Variants in TJP2 observed in about 807,000 individuals in gnomAD.
The protein encoded by TJP2 is tight junction protein 2.
Under a neutral mutation model 133.1 loss-of-function variants are expected in TJP2, and 91 were observed. The ratio of observed to expected loss-of-function variants is 0.68; its 90% CI spans 0.58 to 0.81. The LOEUF (loss-of-function observed/expected upper bound fraction) is 0.81. Among genes scored for constraint, TJP2 ranks in the 40% least tolerant of loss-of-function variants. TJP2 has a pLI of 0.00. For missense variants in TJP2, 1,541 were observed against 1,565.6 expected, an observed-to-expected ratio of 0.98 and a Z score of 0.26; for synonymous variants, 592 against 583.4, an observed-to-expected ratio of 1.01 and a Z score of -0.21.
intron 13 of TJP2, 134 bp downstream of exon 13, chr9:69,236,372 A>G (rs1830192315): frequency 3.3e-6 from 3 of 908,850 alleles, no homozygotes; most frequent in Non-Finnish European, 5.1e-6. Flanking sequence ...TTTCTTGTTT[A>G]TGGAGAGTGG....
At chr9:69,163,231 T>G (rs1173422481) in intron 2 of TJP2, among the ~76,000 whole-genome samples, 1 of 58,834 alleles carries the variant, frequency 1.7e-5, no homozygotes, top group Non-Finnish European at 3.4e-5. Context: ...GTTTCACCCT[T>G]TTAGCCGGGA....
At chr9:69,228,796 C>T (rs1211581374) in intron 9 of TJP2, among the ~76,000 whole-genome samples, 1 of 152,122 alleles carries the variant, frequency 6.6e-6, no homozygotes, top group Admixed American at 6.5e-5. Flanking sequence ...GAGTTGAGGT[C>T]ATTGTTTTCT....
At chr9:69,149,563 T>G (rs1823372149) in intron 1 of TJP2, among the ~76,000 whole-genome samples, 1 of 148,486 alleles carries the variant, frequency 6.7e-6, no homozygotes, top group Non-Finnish European at 1.5e-5. Flanking sequence ...GGGAGTAGAG[T>G]GTTTTGCACA....
In TJP2 at chr9:69,212,575, G is replaced by A; in HGVS notation, c.88G>A (p.Glu30Lys). ...RAPGMEELIW[E>K]QYTVTLQKDS... The stretch of plus-strand genomic sequence containing the variant: ...CCCAGGCATGGAAGAGCTGATATGG[G>A]AACAGTACACTGTGACCCTACAAAA... Residue 30 changes from glutamate (E) to lysine (K), a missense_variant, in exon 2 of 23, where the codon GAA becomes AAA. Transcript: ENST00000377245. 6.2e-7 allele frequency: 1 copy of A among 1,613,436 alleles called. No individual in the cohort carries two copies. Among genetic ancestry groups the A allele is most frequent in the Non-Finnish European group, 8.5e-7 (1 of 1,179,504 alleles).
At chr9:69,159,798 C>T (rs1311036846) in intron 2 of TJP2, among the ~76,000 whole-genome samples, 1 of 151,480 alleles carries the variant, frequency 6.6e-6, no homozygotes, top group East Asian at 1.9e-4. Context: ...ATCACTTGAA[C>T]CCGGGTGGCA....
intron 1 of TJP2, among the ~76,000 whole-genome samples, chr9:69,181,921 A>G (rs1402920135): frequency 6.6e-6 from 1 of 152,150 alleles, no homozygotes; most frequent in Non-Finnish European, 1.5e-5. Context: ...TTTGCAGCTT[A>G]AGCCAGCAAC....
chr9:69,235,180 C>T (rs940316673), intron 12 of TJP2, among the ~76,000 whole-genome samples: 1 of 152,184 alleles, frequency 6.6e-6, no homozygotes, highest in South Asian at 2.1e-4. Context: ...TAGTCTCAGT[C>T]TGAAGGCCTG....
At chr9:69,218,152 G>A in intron 3 of TJP2, 105 bp from the exon 4 acceptor site, 1 of 968,526 alleles carries the variant, frequency 1.0e-6, no homozygotes, top group Non-Finnish European at 1.6e-6. Context: ...GAGCCCTTTA[G>A]AAAGCCTTTC....
chr9:69,210,576 T>G (rs1007833299), intron 1 of TJP2, among the ~76,000 whole-genome samples: 1 of 152,142 alleles, frequency 6.6e-6, no homozygotes, highest in African/African-American at 2.4e-5. Flanking sequence ...AATAATCTTT[T>G]GGAATGTTTA....
intron 1 of TJP2, among the ~76,000 whole-genome samples, chr9:69,193,097 G>A (rs1478135870): frequency 6.6e-6 from 1 of 151,924 alleles, no homozygotes; most frequent in African/African-American, 2.4e-5. Context: ...TGTATTTTTA[G>A]TAGAGACAGG....
At chr9:69,222,921 T>A (rs1431549192) in intron 5 of TJP2, among the ~76,000 whole-genome samples, 2 of 151,690 alleles carry the variant, frequency 1.3e-5, no homozygotes, top group African/African-American at 4.8e-5. Flanking sequence ...ATGCAAAAAT[T>A]AGGTGGGCGT....
At chr9:69,224,883 C>T (rs1829216796) in intron 5 of TJP2, among the ~76,000 whole-genome samples, 1 of 151,958 alleles carries the variant, frequency 6.6e-6, no homozygotes, top group Admixed American at 6.6e-5. Flanking sequence ...TCACCATTAC[C>T]CATAAATATT....
At chr9:69,171,154 T>C (rs888459413), upstream of TJP2, among the ~76,000 whole-genome samples, 2 of 152,162 alleles carry the variant, frequency 1.3e-5, no homozygotes, top group Non-Finnish European at 2.9e-5. Flanking sequence ...CACCGTCATC[T>C]CCTTTAAGTA....
chr9:69,220,144 A>G (rs1440402107), intron 4 of TJP2, among the ~76,000 whole-genome samples: 1 of 152,206 alleles, frequency 6.6e-6, no homozygotes, highest in African/African-American at 2.4e-5. Context: ...TGTCTTAATA[A>G]TAAATTAAAT....
intron 1 of TJP2, among the ~76,000 whole-genome samples, chr9:69,196,940 TGTGTGTAC>T (rs1329600692): frequency 2.0e-3 from 139 of 70,574 alleles, no homozygotes; most frequent in Admixed American, 9.8e-3. Flanking sequence ...TGTGTGTGTG[TGTGTGTAC>T]ACACACACAC....
chr9:69,203,631 T>TTTTTTTTTTTTA (rs71309247), intron 1 of TJP2, among the ~76,000 whole-genome samples: 3 of 138,886 alleles, frequency 2.2e-5, no homozygotes, highest in African/African-American at 5.2e-5. Context: ...TTTTTTTTTT[T>TTTTTTTTTTTTA]GAGACAGGGT....
chr9:69,218,368 T>C lies in TJP2; in HGVS notation c.342+9T>C. The C allele has an allele frequency of 6.2e-7, 1 of 1,611,958 alleles. No homozygotes were observed. The highest frequency in any genetic ancestry group is 8.5e-7 in the Non-Finnish European group (1 of 1,178,030). The stretch of plus-strand genomic sequence containing the variant: ...GGAAGGTCGCTGCTATTGTAAGTAC[T>C]GGGTTTGCTTTCAGCTTGCCTTAAT... On this transcript the variant is annotated intron_variant, in intron 4 of 22. Coordinates refer to ENST00000377245, the MANE Select transcript of TJP2 (RefSeq NM_004817.4).
Position 69,221,344 on chromosome 9 carries a change from C to G in TJP2, c.800C>G (p.Pro267Arg), listed in dbSNP as rs753246184. 6.3e-7 allele frequency: 1 copy of G among 1,590,530 alleles called. No individual in the cohort carries two copies. Among genetic ancestry groups the G allele is most frequent in the Admixed American group, 1.8e-5 (1 of 56,742 alleles). Residue 267 changes from proline to arginine, a missense_variant, in exon 5 of 23, where the codon CCG (proline) becomes CGG (arginine). By Grantham distance (103) the Pro-to-Arg change is moderately radical. Transcript: ENST00000377245. ...CCAGACTACGAGCGGGCCTACAGCC[C>G]GGAGTACAGGCGCGGGGCCCGCCAC... ...YDPDYERAYS[P>R]EYRRGARHDA...
intron 6 of TJP2, 23 bp from the exon 7 acceptor site, chr9:69,225,999 A>G (rs751300457): frequency 8.1e-6 from 13 of 1,613,410 alleles, no homozygotes; most frequent in African/African-American, 2.7e-5. Flanking sequence ...TGCATTTAAC[A>G]TTACCATTTT....
Sources: gnomAD v4.1 joint callset for allele counts (sites outside exome capture counted in the v4.1 genomes callset) on GRCh38, gnomAD v4.1.1 for gene constraint, MANE v1.5 for transcripts, NCBI Gene and HGNC (gene_info 2026-07-23, HGNC 2026-07-21) for gene names.